HECW2: variants seen among roughly 807,000 people sequenced by gnomAD.
The protein encoded by HECW2 is E3 ubiquitin-protein ligase HECW2.
In HECW2, 61 loss-of-function variants were observed where a neutral mutation model predicts 175.2. The observed-to-expected ratio is 0.35, with a 90% CI of 0.28 to 0.43. The LOEUF (loss-of-function observed/expected upper bound fraction) is 0.43, where lower values mean the gene tolerates loss of function less well. Ranked by LOEUF, HECW2 falls within the 20% of genes least tolerant of loss-of-function variation. HECW2 has a pLI of 1.00. For missense variants in HECW2, 1,524 were observed against 2,000.5 expected (o/e 0.76, Z 4.54); for synonymous variants, 671 against 731.0 (o/e 0.92, Z 1.32).
chr2:196,286,466 T>TA (rs1027577994), intron 14 of HECW2, among the ~76,000 whole-genome samples: 20 of 149,984 alleles, frequency 1.3e-4, no homozygotes, highest in Middle Eastern at 7.0e-3. Context: ...TCTCTGTACT[T>TA]AGGCAATTCC....
At chr2:196,412,728 TTAAG>T (rs1695148987) in intron 2 of HECW2, among the ~76,000 whole-genome samples, 1 of 152,230 alleles carries the variant, frequency 6.6e-6, no homozygotes, top group Non-Finnish European at 1.5e-5. Flanking sequence ...CTCTTTTTAC[TTAAG>T]TGAGTTTACC....
At chr2:196,308,236 C>T in intron 10 of HECW2, 151 bp from the exon 11 acceptor site, 1 of 464,198 alleles carries the variant, frequency 2.2e-6, no homozygotes, top group South Asian at 6.8e-5. Context: ...ATACTTCTCC[C>T]CAGTTCACTC....
intron 2 of HECW2, among the ~76,000 whole-genome samples, chr2:196,386,153 AAAAG>A (rs1694343611): frequency 6.6e-6 from 1 of 152,230 alleles, no homozygotes; most frequent in Admixed American, 6.5e-5. Flanking sequence ...GAATTCAACA[AAAAG>A]AAAACCACCT....
rs373822206 is a variant in HECW2 at position 196,451,304 on chromosome 2, C to T, written c.-35-17846G>A. On this transcript the variant is annotated intron_variant, in intron 1 of 28. Transcript: ENST00000644978. ...CAAAAATTAGCTGGGCGTGGTGGCACGCACCTGTAATCCCAGCTACTCAGG... is the reference window on the plus strand; with the variant it reads ...CAAAAATTAGCTGGGCGTGGTGGCATGCACCTGTAATCCCAGCTACTCAGG... Among the ~76,000 whole-genome samples, 20 of 151,490 alleles carry T rather than the reference C, an allele frequency of 1.3e-4. No individual in the cohort carries two copies. The East Asian group carries it at 2.9e-3, about 22-fold the overall frequency.
At chr2:196,541,692 T>A (rs561971759) in intron 1 of HECW2, among the ~76,000 whole-genome samples, 1 of 152,136 alleles carries the variant, frequency 6.6e-6, no homozygotes, top group Non-Finnish European at 1.5e-5. Flanking sequence ...CTGCTTTAAC[T>A]GGTTACATTT....
At chr2:196,266,366 G>A (rs1689519418) in intron 17 of HECW2, among the ~76,000 whole-genome samples, 1 of 151,658 alleles carries the variant, frequency 6.6e-6, no homozygotes, top group African/African-American at 2.4e-5. Flanking sequence ...AAAAAAAAAG[G>A]TGTCTTTAAA....
At chr2:196,496,649 G>A (rs953987483) in intron 1 of HECW2, among the ~76,000 whole-genome samples, 7 of 151,964 alleles carry the variant, frequency 4.6e-5, no homozygotes, top group South Asian at 2.1e-4. Flanking sequence ...ATATACAAGC[G>A]CTTTTCTTCC....
chr2:196,220,737 G>A, intron 25 of HECW2, 58 bp downstream of exon 25: 1 of 1,538,876 alleles, frequency 6.5e-7, no homozygotes. Flanking sequence ...ACAATAAGAT[G>A]GACTGTGGCA....
intron 1 of HECW2, among the ~76,000 whole-genome samples, chr2:196,581,346 C>T (rs1690774202): frequency 6.6e-6 from 1 of 152,044 alleles, no homozygotes; most frequent in Non-Finnish European, 1.5e-5. Flanking sequence ...ACCAGCCTGG[C>T]CAACACGGCA....
At position 196,325,117 on chromosome 2, in the gene HECW2, A is replaced by T; in HGVS notation, c.604T>A (p.Phe202Ile). 6.2e-7 allele frequency: 1 copy of T among 1,607,872 alleles called. No individual in the cohort carries two copies. Among genetic ancestry groups the T allele is most frequent in the South Asian group, 1.1e-5 (1 of 89,982 alleles). ...TTAAGATAAGGGTCAGGATTGAAGA[A>T]CATCCCTTTCTTTAGCCCAACTGCC... Reference protein sequence around the residue: ...LRAVGLKKGMFFNPDPYLKMS... With the variant: ...LRAVGLKKGMIFNPDPYLKMS... The change falls in exon 6 of 29, where the codon TTC becomes ATC. Residue 202 changes from phenylalanine (F) to isoleucine (I), a missense_variant. Coordinates refer to ENST00000644978, the MANE Select transcript of HECW2 (RefSeq NM_001348768.2).
chr2:196,308,301 C>A (rs763119641), intron 10 of HECW2: 3 of 376,910 alleles, frequency 8.0e-6, no homozygotes, highest in Non-Finnish European at 1.4e-5. Flanking sequence ...ATACCAGTCC[C>A]TTAAATAATC....
intron 2 of HECW2, among the ~76,000 whole-genome samples, chr2:196,400,943 C>T (rs1694801586): frequency 6.6e-6 from 1 of 152,078 alleles, no homozygotes; most frequent in Non-Finnish European, 1.5e-5. Flanking sequence ...GTGATATATG[C>T]CCTAATCATT....
intron 1 of HECW2, among the ~76,000 whole-genome samples, chr2:196,503,432 G>T (rs996534495): frequency 2.0e-5 from 3 of 152,202 alleles, no homozygotes; most frequent in Non-Finnish European, 4.4e-5. Flanking sequence ...TTCATCTACA[G>T]GCAGAGGTAG....
At chr2:196,249,721 T>C (rs1455189140) in intron 19 of HECW2, among the ~76,000 whole-genome samples, 1 of 152,354 alleles carries the variant, frequency 6.6e-6, no homozygotes, top group East Asian at 1.9e-4. Context: ...TAGGTAGTCC[T>C]GCCCTGGTAT....
At chr2:196,255,238 T>C (rs1414363506) in intron 18 of HECW2, among the ~76,000 whole-genome samples, 1 of 148,062 alleles carries the variant, frequency 6.8e-6, no homozygotes, top group Admixed American at 6.9e-5. Context: ...ATGATCCGCC[T>C]GCCTCGGCAT....
intron 2 of HECW2, among the ~76,000 whole-genome samples, chr2:196,378,778 A>G (rs951194978): frequency 2.0e-5 from 3 of 152,242 alleles, no homozygotes; most frequent in Non-Finnish European, 4.4e-5. Context: ...TAATTTTTCA[A>G]TGCATAAGAA....
intron 6 of HECW2, among the ~76,000 whole-genome samples, chr2:196,324,110 A>G (rs1692061560): frequency 6.6e-6 from 1 of 151,902 alleles, no homozygotes; most frequent in Non-Finnish European, 1.5e-5. Context: ...CCTCTCTCCA[A>G]TTAAATATTT....
chr2:196,583,472 A>G (rs900987604), intron 1 of HECW2, among the ~76,000 whole-genome samples: 31 of 152,328 alleles, frequency 2.0e-4, no homozygotes, highest in African/African-American at 5.1e-4. Context: ...TTCAAATTCA[A>G]TAAGTCTGGT....
chr2:196,263,752 C>A (rs956026154), intron 17 of HECW2: 1 of 152,060 alleles, frequency 6.6e-6, no homozygotes, highest in African/African-American at 2.4e-5. Context: ...TGTGTAGGGA[C>A]AAAGTTTGTC....
Sources: gnomAD v4.1 joint callset for allele counts (sites outside exome capture counted in the v4.1 genomes callset) on GRCh38, gnomAD v4.1.1 for gene constraint, MANE v1.5 for transcripts, NCBI Gene and HGNC (gene_info 2026-07-23, HGNC 2026-07-21) for gene names.